The following RSAD2 variants were observed in gnomAD, a reference collection of about 807,000 sequenced individuals.
The protein encoded by RSAD2 is radical S-adenosyl methionine domain containing 2.
In RSAD2, 38 loss-of-function variants were observed where a neutral mutation model predicts 37.7. The observed-to-expected ratio is 1.01, with a 90% confidence interval of 0.78 to 1.32. The LOEUF (loss-of-function observed/expected upper bound fraction) is 1.32. Among genes scored for constraint, RSAD2 ranks in the 40% most tolerant of loss-of-function variants. The pLI, the probability that RSAD2 is intolerant of heterozygous loss-of-function variation, is 0.00. For synonymous variants in RSAD2, 163 were observed against 157.4 expected (o/e 1.04, Z -0.27); for missense variants, 428 against 437.5 (o/e 0.98, Z 0.19).
At chr2:6,882,851 G>A in intron 1 of RSAD2, among the ~76,000 whole-genome samples, 1 of 152,170 alleles carries the variant, frequency 6.6e-6, no homozygotes, top group East Asian at 1.9e-4. Flanking sequence ...GTGATACCTG[G>A]ACAAACAATT....
chr2:6,866,342 A>G, intron 1 of RSAD2: 2 of 729,602 alleles, frequency 2.7e-6, no homozygotes, highest in Non-Finnish European at 3.4e-6. Context: ...AACAGGGCGC[A>G]GTTCTGGCTC....
At chr2:6,885,932 A>G (rs913954387) in intron 2 of RSAD2, among the ~76,000 whole-genome samples, 2 of 152,176 alleles carry the variant, frequency 1.3e-5, no homozygotes, top group Non-Finnish European at 2.9e-5. Context: ...GCTCCAGTTT[A>G]TGCTAGATAT....
At chr2:6,877,709 A>G (rs560078504), upstream of RSAD2, 47 of 938,040 alleles carry the variant, frequency 5.0e-5, no homozygotes, top group African/African-American at 6.2e-4. Context: ...CTGCTCCCCA[A>G]TGACAGGTTG....
chr2:6,878,705 C>A, intron 1 of RSAD2: 1 of 415,474 alleles, frequency 2.4e-6, no homozygotes, highest in Non-Finnish European at 3.8e-6. Flanking sequence ...CTGAGCATCA[C>A]CACATTAGTA....
chr2:6,870,675 C>G (rs528822679), intron 1 of RSAD2, among the ~76,000 whole-genome samples: 4 of 152,200 alleles, frequency 2.6e-5, no homozygotes, highest in African/African-American at 7.2e-5. Context: ...TAGGAGGAAG[C>G]CTTTCCAGCC....
At chr2:6,883,069 C>T (rs914912732) in intron 1 of RSAD2, among the ~76,000 whole-genome samples, 2 of 152,150 alleles carry the variant, frequency 1.3e-5, no homozygotes, top group Non-Finnish European at 2.9e-5. Context: ...TGGACAGTCA[C>T]GCCACATGGC....
intron 2 of RSAD2, among the ~76,000 whole-genome samples, chr2:6,885,059 GC>G (rs1283686773): frequency 3.3e-5 from 5 of 152,092 alleles, no homozygotes; most frequent in Non-Finnish European, 7.4e-5. Context: ...TTGGTAATTT[GC>G]TAGAAGGACT....
intron 1 of RSAD2, among the ~76,000 whole-genome samples, chr2:6,868,915 C>A (rs1315702770): frequency 6.6e-6 from 1 of 152,200 alleles, no homozygotes; most frequent in Non-Finnish European, 1.5e-5. Flanking sequence ...GTTATGTACA[C>A]CTGGAGCAAT....
upstream of RSAD2, among the ~76,000 whole-genome samples, chr2:6,874,806 T>C (rs1375404622): frequency 6.6e-6 from 1 of 152,034 alleles, no homozygotes; most frequent in East Asian, 2.0e-4. Flanking sequence ...ACTTGAGTCC[T>C]CCAAAATTCA....
chr2:6,878,215 G>A, intron 1 of RSAD2, 69 bp downstream of exon 1: 1 of 1,348,666 alleles, frequency 7.4e-7, no homozygotes, highest in Non-Finnish European at 1.0e-6. Context: ...GCGAGAAGGG[G>A]CTGGGGGTAT....
At chr2:6,888,131 A>G (rs903122748) in intron 3 of RSAD2, among the ~76,000 whole-genome samples, 1 of 152,240 alleles carries the variant, frequency 6.6e-6, no homozygotes, top group Non-Finnish European at 1.5e-5. Flanking sequence ...CTGCACAAAA[A>G]ACAGCTTTTC....
At chr2:6,881,495 A>T (rs1371407655) in intron 1 of RSAD2, among the ~76,000 whole-genome samples, 2 of 152,338 alleles carry the variant, frequency 1.3e-5, no homozygotes, top group African/African-American at 4.8e-5. Context: ...CAAGTGTTTA[A>T]CCTTTCTTGG....
At chr2:6,867,385 C>T (rs1358929324) in intron 1 of RSAD2, among the ~76,000 whole-genome samples, 2 of 152,150 alleles carry the variant, frequency 1.3e-5, no homozygotes, top group African/African-American at 2.4e-5. Flanking sequence ...GCATCCTTGG[C>T]GTCTCCTTGA....
Position 6,896,000 on chromosome 2 carries a change from C to A in RSAD2, c.*58C>A. 1.3e-6 allele frequency: 2 copies of A among 1,529,556 alleles called. No individual in the cohort carries two copies. Among genetic ancestry groups the A allele is most frequent in the South Asian group, 2.4e-5 (2 of 83,842 alleles). The allele number at this position is 1,529,556 out of a possible 1,614,324, so 94.7% of individuals were successfully genotyped here. A position where few individuals can be genotyped will look rare whatever the true frequency, so the allele number is the denominator to read the frequency against. On this transcript the variant is annotated 3_prime_UTR_variant, in exon 6 of 6. Coordinates refer to ENST00000382040, the MANE Select transcript of RSAD2 (RefSeq NM_080657.5). Reference sequence around the variant, plus strand: ...GTGGGAAAACTCCTAGAGTAACTGCCATTGTCTGCAATACTATCCCGTTGG... The same window carrying A: ...GTGGGAAAACTCCTAGAGTAACTGCAATTGTCTGCAATACTATCCCGTTGG...
At chr2:6,878,978 GCAGATT>G (rs1663345249) in intron 1 of RSAD2, 1 of 544,284 alleles carries the variant, frequency 1.8e-6, no homozygotes, top group Non-Finnish European at 3.2e-6. Flanking sequence ...TAAATAGCCT[GCAGATT>G]CAGAGAGAAA....
intron 4 of RSAD2, 43 bp downstream of exon 4, chr2:6,890,368 A>C: frequency 6.3e-7 from 1 of 1,599,386 alleles, no homozygotes; most frequent in Non-Finnish European, 8.6e-7. Context: ...TCATACATTC[A>C]GATTGATTCC....
chr2:6,886,310 C>T (rs1572157812), intron 2 of RSAD2, among the ~76,000 whole-genome samples: 1 of 152,224 alleles, frequency 6.6e-6, no homozygotes, highest in Non-Finnish European at 1.5e-5. Context: ...AAACGACACG[C>T]TGTCACAGCT....
chr2:6,892,981 G>A (rs1663662075), intron 4 of RSAD2, among the ~76,000 whole-genome samples: 1 of 152,236 alleles, frequency 6.6e-6, no homozygotes. Context: ...GCTCAGCCAA[G>A]CTATTTTTCT....
intron 1 of RSAD2, among the ~76,000 whole-genome samples, chr2:6,868,880 C>G (rs540775122): frequency 2.6e-5 from 4 of 152,310 alleles, no homozygotes; most frequent in Admixed American, 6.5e-5. Context: ...TCCAGAGGCT[C>G]TTTATATTCA....
Sources: allele counts gnomAD v4.1 joint callset (sites outside exome capture counted in the v4.1 genomes callset), GRCh38; gene constraint gnomAD v4.1.1; transcripts MANE v1.5; gene names NCBI Gene and HGNC (gene_info 2026-07-23, HGNC 2026-07-21).